NRTN: variants seen among roughly 807,000 people sequenced by gnomAD.
The protein encoded by NRTN is prepro-neurturin.
Under a neutral mutation model 7.5 loss-of-function variants are expected in NRTN, and 3 were observed. That is an observed-to-expected ratio of 0.40 (90% CI 0.18 to 1.03). NRTN has a LOEUF of 1.03. Ranked by LOEUF, NRTN falls within the 50% of genes least tolerant of loss-of-function variation. The pLI is 0.34. For synonymous variants in NRTN, 157 were observed against 146.6 expected (o/e 1.07, Z -0.51); for missense variants, 310 against 307.0 (o/e 1.01, Z -0.07).
At chr19:5,820,265 C>CAA (rs61584587) in intron 1 of NRTN, among the ~76,000 whole-genome samples, 19,780 of 84,236 alleles carry the variant, frequency 0.23, 2,582 homozygotes, top group Middle Eastern at 0.36. Flanking sequence ...GACTCCGTCT[C>CAA]AAAAAAAAAA....
In NRTN at chr19:5,828,135, G is replaced by A; in HGVS notation, c.556G>A (p.Val186Met). The A allele has an allele frequency of 6.5e-7, 1 of 1,529,702 alleles. No homozygotes were observed. The highest frequency in any genetic ancestry group is 8.7e-7 in the Non-Finnish European group (1 of 1,144,014). The allele number at this position is 1,529,702 out of a possible 1,614,324, so 94.8% of individuals were successfully genotyped here. Residue 186 changes from valine to methionine, a missense_variant, in exon 3 of 3, where the codon GTG becomes ATG. Physicochemically the swap from Val to Met is conservative, Grantham distance 21 (BLOSUM62 1). Transcript: ENST00000303212. ...FLDAHSRYHTVHELSARECAC... is the reference protein window; with the variant it reads ...FLDAHSRYHTMHELSARECAC... ...GGACGCGCACAGCCGCTACCACACG[G>A]TGCACGAGCTGTCGGCGCGCGAGTG...
At chr19:5,825,331 TGC>T (rs2057042063) in intron 2 of NRTN, among the ~76,000 whole-genome samples, 1 of 152,118 alleles carries the variant, frequency 6.6e-6, no homozygotes, top group South Asian at 2.1e-4. Flanking sequence ...CACATGTCCA[TGC>T]GTGCGCCTGC....
At chr19:5,823,292 C>T (rs2057032653) in intron 1 of NRTN, among the ~76,000 whole-genome samples, 1 of 151,610 alleles carries the variant, frequency 6.6e-6, no homozygotes, top group Non-Finnish European at 1.5e-5. Context: ...TGGCAGGTGC[C>T]TGTAATCCCA....
intron 1 of NRTN, among the ~76,000 whole-genome samples, chr19:5,819,422 G>A (rs2057015921): frequency 6.6e-6 from 1 of 152,216 alleles, no homozygotes; most frequent in Non-Finnish European, 1.5e-5. Flanking sequence ...AGCACTTGGG[G>A]AGGCCAAAGC....
intron 1 of NRTN, among the ~76,000 whole-genome samples, chr19:5,811,021 G>A (rs2056989078): frequency 6.6e-6 from 1 of 151,440 alleles, no homozygotes; most frequent in Non-Finnish European, 1.5e-5. Context: ...AGGATCACTT[G>A]AGGTCAGGAG....
chr19:5,822,185 C>T (rs1018633327), intron 1 of NRTN, among the ~76,000 whole-genome samples: 22 of 152,086 alleles, frequency 1.4e-4, no homozygotes, highest in African/African-American at 5.3e-4. Context: ...GGACACGAGG[C>T]GCGGTCCATG....
intron 1 of NRTN, among the ~76,000 whole-genome samples, chr19:5,823,112 AAGAAAG>A (rs1445491259): frequency 1.5e-4 from 23 of 148,758 alleles, no homozygotes; most frequent in Non-Finnish European, 2.5e-4. Flanking sequence ...AAAGGAAAGA[AAGAAAG>A]AGAAAGAGAG....
At chr19:5,815,351 G>C (rs1161299485) in intron 1 of NRTN, among the ~76,000 whole-genome samples, 1 of 151,904 alleles carries the variant, frequency 6.6e-6, no homozygotes, top group East Asian at 1.9e-4. Context: ...TCAAGTGTGT[G>C]TGTGTGTGTG....
chr19:5,812,252 C>A (rs1445115433), intron 1 of NRTN, among the ~76,000 whole-genome samples: 1 of 152,020 alleles, frequency 6.6e-6, no homozygotes, highest in East Asian at 1.9e-4. Flanking sequence ...AACCACTATC[C>A]CTGACCATCC....
chr19:5,824,927 C>G (rs2057039892), intron 2 of NRTN, among the ~76,000 whole-genome samples: 1 of 152,092 alleles, frequency 6.6e-6, no homozygotes, highest in Admixed American at 6.5e-5. Context: ...AGGCTCTGCC[C>G]TGAGGTCCCG....
intron 1 of NRTN, among the ~76,000 whole-genome samples, chr19:5,808,713 A>C (rs1268254540): frequency 6.7e-6 from 1 of 150,124 alleles, no homozygotes; most frequent in Non-Finnish European, 1.5e-5. Flanking sequence ...TTATACGTGC[A>C]GCTCCCTCCG....
At chr19:5,818,738 C>G (rs548736259) in intron 1 of NRTN, among the ~76,000 whole-genome samples, 9 of 152,176 alleles carry the variant, frequency 5.9e-5, no homozygotes, top group African/African-American at 2.2e-4. Context: ...ACCCAGCCCC[C>G]TCCCCGTGCC....
chr19:5,821,294 CTTTTTTTTT>C (rs33932385), intron 1 of NRTN, among the ~76,000 whole-genome samples: 78 of 49,182 alleles, frequency 1.6e-3, no homozygotes, highest in Non-Finnish European at 2.3e-3. Context: ...CAGTGCCTAG[CTTTTTTTTT>C]TTTTTTTTTT....
At chr19:5,810,465 C>T (rs144763935) in intron 1 of NRTN, among the ~76,000 whole-genome samples, 2,303 of 151,870 alleles carry the variant, frequency 0.015, 39 homozygotes, top group Middle Eastern at 0.024. Flanking sequence ...CTTCTCTTAG[C>T]CTCAGTTTCC....
chr19:5,822,697 C>T (rs2436519), intron 1 of NRTN, among the ~76,000 whole-genome samples: 1 of 151,878 alleles, frequency 6.6e-6, no homozygotes, highest in Non-Finnish European at 1.5e-5. Context: ...ACCCTCCAAG[C>T]TGAGATTGCA....
intron 1 of NRTN, among the ~76,000 whole-genome samples, chr19:5,811,122 C>T (rs2056989457): frequency 6.6e-6 from 1 of 151,908 alleles, no homozygotes; most frequent in Non-Finnish European, 1.5e-5. Context: ...ACCTGTAATC[C>T]CAGCTACTCA....
At chr19:5,810,798 T>A (rs1175515270) in intron 1 of NRTN, among the ~76,000 whole-genome samples, 1 of 151,020 alleles carries the variant, frequency 6.6e-6, no homozygotes, top group Non-Finnish European at 1.5e-5. Flanking sequence ...ACATGGTGGC[T>A]CGTGCCTGTA....
At chr19:5,810,216 G>A (rs977863230) in intron 1 of NRTN, among the ~76,000 whole-genome samples, 4 of 148,822 alleles carry the variant, frequency 2.7e-5, no homozygotes, top group East Asian at 2.0e-4. Context: ...GTAGTGAGCC[G>A]AGATCGCGCC....
chr19:5,828,092 G>C lies in NRTN; in HGVS notation c.513G>C (p.Glu171Asp). 6.7e-7 allele frequency: 1 copy of C among 1,495,164 alleles called. No homozygotes were observed. The highest frequency in any genetic ancestry group is 8.9e-7 in the Non-Finnish European group (1 of 1,129,822). The allele number at this position is 1,495,164 out of a possible 1,614,324, so 92.6% of individuals were successfully genotyped here. A position where few individuals can be genotyped will look rare whatever the true frequency, so the allele number is the denominator to read the frequency against. ...CCTGCTGCCGCCCGACGGCCTACGA[G>C]GACGAGGTGTCCTTCCTGGACGCGC... Reference protein sequence around the residue: ...AQPCCRPTAYEDEVSFLDAHS... With the variant: ...AQPCCRPTAYDDEVSFLDAHS... Residue 171 changes from glutamate (E) to aspartate (D), a missense_variant, in exon 3 of 3, where the codon GAG (glutamate) becomes GAC (aspartate). Physicochemically the swap from Glu to Asp is conservative, Grantham distance 45. Coordinates refer to ENST00000303212, the MANE Select transcript of NRTN (RefSeq NM_004558.5).
Sources: gnomAD v4.1 joint callset for allele counts (sites outside exome capture counted in the v4.1 genomes callset) on GRCh38, gnomAD v4.1.1 for gene constraint, MANE v1.5 for transcripts, NCBI Gene and HGNC (gene_info 2026-07-23, HGNC 2026-07-21) for gene names.